The following NXPE2 variants were observed in gnomAD, a reference collection of about 807,000 sequenced individuals.
The protein encoded by NXPE2 is NXPE family member 2.
NXPE2 carries 34 observed loss-of-function variants against 34.4 expected under a neutral mutation model. That is an observed-to-expected ratio of 0.99 (90% CI 0.75 to 1.31). The LOEUF (loss-of-function observed/expected upper bound fraction) is 1.31. NXPE2 is among the 40% of genes most tolerant of loss of function. The pLI, the probability that NXPE2 is intolerant of heterozygous loss-of-function variation, is 0.00. For synonymous variants in NXPE2, 235 were observed against 231.3 expected, an observed-to-expected ratio of 1.02 and a Z score of -0.15; for missense variants, 649 against 672.5, an observed-to-expected ratio of 0.97 and a Z score of 0.39.
At chr11:114,520,852 T>C in the NXPE2 span, among the ~76,000 whole-genome samples, 2 of 152,232 alleles carry the variant, frequency 1.3e-5, no homozygotes, top group African/African-American at 4.8e-5. Flanking sequence ...TAGGTGGTGT[T>C]GTATACTTTA....
At chr11:114,582,341 A>C in the NXPE2 span, 1 of 1,603,660 alleles carries the variant, frequency 6.2e-7, no homozygotes, top group Non-Finnish European at 8.5e-7. Flanking sequence ...TCTTGTTCTT[A>C]GAATACATGT....
chr11:114,582,905 T>A, the NXPE2 span: 6 of 1,614,186 alleles, frequency 3.7e-6, no homozygotes, highest in Admixed American at 5.0e-5. Context: ...TTTCCTTTAT[T>A]CTGAGTTCAG....
the NXPE2 span, among the ~76,000 whole-genome samples, chr11:114,521,160 C>T: frequency 1.8e-4 from 28 of 152,114 alleles, no homozygotes; most frequent in African/African-American, 6.0e-4. Flanking sequence ...TATTGATTTT[C>T]TCTTTAACAG....
chr11:114,696,360 G>GAAAAGA (rs1555078634), intron 2 of NXPE2, among the ~76,000 whole-genome samples: 1 of 128,450 alleles, frequency 7.8e-6, no homozygotes, highest in Non-Finnish European at 1.7e-5. Context: ...AAAAAAAAAA[G>GAAAAGA]AAAGAAAAGA....
chr11:114,579,188 G>A, the NXPE2 span, among the ~76,000 whole-genome samples: 1 of 152,166 alleles, frequency 6.6e-6, no homozygotes, highest in African/African-American at 2.4e-5. Flanking sequence ...GAGGGAGCAA[G>A]AGAGATGCCA....
At chr11:114,611,053 C>T in the NXPE2 span, among the ~76,000 whole-genome samples, 15 of 151,568 alleles carry the variant, frequency 9.9e-5, no homozygotes, top group South Asian at 8.3e-4. Context: ...ATAAGTGTTG[C>T]GTCATGGGTA....
the NXPE2 span, among the ~76,000 whole-genome samples, chr11:114,474,424 G>A: frequency 6.6e-6 from 1 of 152,206 alleles, no homozygotes; most frequent in Non-Finnish European, 1.5e-5. Flanking sequence ...ACCTGATCCT[G>A]TAGGATTAGC....
At chr11:114,497,132 G>A in the NXPE2 span, among the ~76,000 whole-genome samples, 1,118 of 152,212 alleles carry the variant, frequency 7.3e-3, 16 homozygotes, top group African/African-American at 0.025. Context: ...TACTGCTGCT[G>A]TGCACCTCAC....
chr11:114,695,063 G>A (rs968220548), intron 2 of NXPE2, among the ~76,000 whole-genome samples: 2 of 152,040 alleles, frequency 1.3e-5, no homozygotes, highest in African/African-American at 4.8e-5. Flanking sequence ...GGCCTTTAGT[G>A]TGAGCTTTTA....
At chr11:114,680,065 C>G (rs1950922849) in intron 2 of NXPE2, among the ~76,000 whole-genome samples, 2 of 152,142 alleles carry the variant, frequency 1.3e-5, no homozygotes, top group Non-Finnish European at 2.9e-5. Flanking sequence ...CTCCCTTGGC[C>G]TCTGAGATTT....
the NXPE2 span, among the ~76,000 whole-genome samples, chr11:114,749,857 A>G: frequency 6.6e-6 from 1 of 151,976 alleles, no homozygotes; most frequent in South Asian, 2.1e-4. Context: ...ACCCTGCTCA[A>G]GCTTTGCCAC....
chr11:114,566,435 A>T, the NXPE2 span, among the ~76,000 whole-genome samples: 2 of 152,160 alleles, frequency 1.3e-5, no homozygotes, highest in Middle Eastern at 3.2e-3. Flanking sequence ...GTGAGTGAAT[A>T]AAGAAGGCAC....
chr11:114,522,894 G>A, the NXPE2 span: 1 of 1,611,586 alleles, frequency 6.2e-7, no homozygotes, highest in Admixed American at 1.7e-5. Flanking sequence ...ACAACTTTGG[G>A]GAAGTAGTAG....
At chr11:114,652,089 A>G in the NXPE2 span, among the ~76,000 whole-genome samples, 2 of 152,146 alleles carry the variant, frequency 1.3e-5, no homozygotes, top group African/African-American at 2.4e-5. Flanking sequence ...CCAATACTTA[A>G]ATTTTTTTTT....
the NXPE2 span, among the ~76,000 whole-genome samples, chr11:114,807,024 G>T: frequency 2.6e-5 from 4 of 151,976 alleles, no homozygotes; most frequent in African/African-American, 9.7e-5. Flanking sequence ...AGAAGAGAGT[G>T]GGGACCAATA....
At chr11:114,594,921 T>C in the NXPE2 span, among the ~76,000 whole-genome samples, 2 of 152,176 alleles carry the variant, frequency 1.3e-5, no homozygotes, top group South Asian at 4.1e-4. Flanking sequence ...CCCCGCAAGC[T>C]GTACTTGGTA....
the NXPE2 span, among the ~76,000 whole-genome samples, chr11:114,759,699 C>T: frequency 2.6e-5 from 4 of 152,114 alleles, no homozygotes; most frequent in South Asian, 6.2e-4. Context: ...ATCCTTTAGT[C>T]CTTTAGAGAT....
At chr11:114,537,648 G>A in the NXPE2 span, among the ~76,000 whole-genome samples, 3 of 152,106 alleles carry the variant, frequency 2.0e-5, no homozygotes, top group South Asian at 6.2e-4. Context: ...CAGACAAACA[G>A]AGAGCCAAAT....
the NXPE2 span, among the ~76,000 whole-genome samples, chr11:114,614,439 G>T: frequency 2.6e-5 from 4 of 151,648 alleles, no homozygotes; most frequent in African/African-American, 9.7e-5. Context: ...GTATTGCCTC[G>T]TGGGTAACCA....
Sources: gnomAD v4.1 joint callset for allele counts (sites outside exome capture counted in the v4.1 genomes callset) on GRCh38, gnomAD v4.1.1 for gene constraint, MANE v1.5 for transcripts, NCBI Gene and HGNC (gene_info 2026-07-23, HGNC 2026-07-21) for gene names.